LEKR1: variants seen among roughly 807,000 people sequenced by gnomAD.
LEKR1 encodes the protein protein LEKR1.
Under a neutral mutation model 72.4 loss-of-function variants are expected in LEKR1, and 59 were observed. That is an observed-to-expected ratio of 0.82 (90% confidence interval 0.66 to 1.01). The LOEUF (loss-of-function observed/expected upper bound fraction) is 1.01. Ranked by LOEUF, LEKR1 falls within the 50% of genes least tolerant of loss-of-function variation. The pLI, the probability that LEKR1 is intolerant of heterozygous loss-of-function variation, is 0.00. For synonymous variants in LEKR1, 257 were observed against 263.2 expected, an observed-to-expected ratio of 0.98 and a Z score of 0.23; for missense variants, 728 against 759.2, an observed-to-expected ratio of 0.96 and a Z score of 0.48.
chr3:157,026,833 T>C (rs1034713164), intron 11 of LEKR1, among the ~76,000 whole-genome samples: 1 of 152,214 alleles, frequency 6.6e-6, no homozygotes. Context: ...TCTTGTTTCG[T>C]TGTTTTGTTT....
chr3:156,942,332 A>G (rs1726284954), intron 5 of LEKR1, among the ~76,000 whole-genome samples, 197 bp from the exon 6 acceptor site: 2 of 152,062 alleles, frequency 1.3e-5, no homozygotes, highest in South Asian at 2.1e-4. Context: ...TGCATCATGT[A>G]GCAATAAAAC....
At chr3:156,847,365 C>T (rs1011051141) in intron 2 of LEKR1, among the ~76,000 whole-genome samples, 5 of 152,206 alleles carry the variant, frequency 3.3e-5, no homozygotes, top group African/African-American at 1.2e-4. Flanking sequence ...TTAATGTCTC[C>T]TCCAAAGTGC....
At chr3:156,853,952 T>C (rs966341431) in intron 3 of LEKR1, among the ~76,000 whole-genome samples, 1 of 151,998 alleles carries the variant, frequency 6.6e-6, no homozygotes, top group Non-Finnish European at 1.5e-5. Flanking sequence ...TTTAATAAAA[T>C]GTATTATACA....
chr3:156,892,162 G>C lies in LEKR1; in HGVS notation c.264-28413G>C, dbSNP rs1250441919. On this transcript the variant is annotated intron_variant, in intron 3 of 12. Coordinates refer to ENST00000356539, the MANE Select transcript of LEKR1 (RefSeq NM_001004316.3). ...GGGGAGAGGGGATAAGAAGAAGAAAGGCAGGTGGGTAGGAGGTCTCTAAGC... is the reference window on the plus strand; with the variant it reads ...GGGGAGAGGGGATAAGAAGAAGAAACGCAGGTGGGTAGGAGGTCTCTAAGC... Among the ~76,000 whole-genome samples, 3 of 152,228 alleles carry C rather than the reference G, an allele frequency of 2.0e-5. No homozygotes were observed. In the East Asian group the frequency reaches 5.8e-4, roughly 29 times the overall value.
At chr3:156,980,597 C>T (rs1000272476) in intron 7 of LEKR1, among the ~76,000 whole-genome samples, 2 of 151,984 alleles carry the variant, frequency 1.3e-5, no homozygotes, top group African/African-American at 4.8e-5. Flanking sequence ...TGCTGTCCCT[C>T]TAATAACATC....
At chr3:156,962,701 A>G (rs920336420) in intron 6 of LEKR1, among the ~76,000 whole-genome samples, 3 of 152,252 alleles carry the variant, frequency 2.0e-5, no homozygotes, top group South Asian at 4.1e-4. Context: ...TAATGTTTGA[A>G]TCATAGAGGA....
chr3:156,836,349 G>A (rs1418315790), intron 2 of LEKR1, among the ~76,000 whole-genome samples: 1 of 151,852 alleles, frequency 6.6e-6, no homozygotes, highest in Non-Finnish European at 1.5e-5. Context: ...TTTCTCCTAA[G>A]GAATCCCAGG....
intron 3 of LEKR1, among the ~76,000 whole-genome samples, chr3:156,917,815 G>A (rs938455086): frequency 1.3e-5 from 2 of 152,114 alleles, no homozygotes; most frequent in African/African-American, 4.8e-5. Context: ...ATGAAAGAGA[G>A]ATGAGGACAG....
At chr3:156,969,683 T>C (rs1352374746) in intron 6 of LEKR1, among the ~76,000 whole-genome samples, 2 of 152,224 alleles carry the variant, frequency 1.3e-5, no homozygotes, top group Non-Finnish European at 2.9e-5. Context: ...AGCCGAATTC[T>C]ACCAGAGGTA....
chr3:156,882,479 A>G (rs1719505435), intron 3 of LEKR1, among the ~76,000 whole-genome samples: 1 of 152,160 alleles, frequency 6.6e-6, no homozygotes, highest in Non-Finnish European at 1.5e-5. Context: ...TTAGAATGGC[A>G]ATCATTAAAA....
chr3:156,869,751 T>C (rs1168007339), intron 3 of LEKR1, among the ~76,000 whole-genome samples: 1 of 144,930 alleles, frequency 6.9e-6, no homozygotes, highest in Non-Finnish European at 1.5e-5. Flanking sequence ...TTTTCTGTGC[T>C]TTTGAGGTCT....
intron 3 of LEKR1, among the ~76,000 whole-genome samples, chr3:156,909,042 T>A (rs62275763): frequency 6.6e-6 from 1 of 152,144 alleles, no homozygotes; most frequent in African/African-American, 2.4e-5. Flanking sequence ...ATAAGTCTCA[T>A]GAGAGCTGAT....
chr3:156,847,000 G>T (rs1229471174), intron 2 of LEKR1, among the ~76,000 whole-genome samples: 4 of 151,944 alleles, frequency 2.6e-5, no homozygotes, highest in Non-Finnish European at 5.9e-5. Flanking sequence ...ATTTTTTGTA[G>T]AAATAAGGTC....
At chr3:156,875,733 C>T (rs370792433) in intron 3 of LEKR1, among the ~76,000 whole-genome samples, 35 of 152,018 alleles carry the variant, frequency 2.3e-4, no homozygotes, top group Non-Finnish European at 3.1e-4. Flanking sequence ...TGGTGGCTCA[C>T]GCCTGTAATC....
At chr3:156,882,395 G>GA (rs1466406671) in intron 3 of LEKR1, among the ~76,000 whole-genome samples, 1 of 152,084 alleles carries the variant, frequency 6.6e-6, no homozygotes, top group Admixed American at 6.6e-5. Flanking sequence ...AAAGACACAT[G>GA]AAAAAATGCT....
intron 11 of LEKR1, among the ~76,000 whole-genome samples, chr3:157,027,755 T>C (rs892945698): frequency 3.9e-5 from 6 of 152,068 alleles, no homozygotes; most frequent in East Asian, 1.9e-4. Context: ...TCAAGGCTGC[T>C]GAGAGCCATG....
At chr3:156,943,901 A>G (rs1050852426) in intron 6 of LEKR1, among the ~76,000 whole-genome samples, 1 of 151,760 alleles carries the variant, frequency 6.6e-6, no homozygotes, top group Non-Finnish European at 1.5e-5. Context: ...ATATATTTTT[A>G]TTTTCTTTCC....
Position 156,940,644 on chromosome 3 carries a change from T to C in LEKR1, c.560-1885T>C, listed in dbSNP as rs527763376. On this transcript the variant is annotated intron_variant, in intron 5 of 12. Transcript: ENST00000356539. ...TAATTCATCTCCATTGAGTTTACTTTTTCCTAACTCCATGTTAGTAATGTT... is the reference window on the plus strand; with the variant it reads ...TAATTCATCTCCATTGAGTTTACTTCTTCCTAACTCCATGTTAGTAATGTT... Among the ~76,000 whole-genome samples the C allele has an allele frequency of 2.6e-5, 4 of 152,334 alleles. No homozygotes were observed. In the Middle Eastern group the frequency reaches 0.014, roughly 518 times the overall value.
chr3:156,853,284 A>G (rs986968471), intron 3 of LEKR1: 1 of 187,448 alleles, frequency 5.3e-6, no homozygotes, highest in African/African-American at 2.3e-5. Flanking sequence ...AAATTTATCT[A>G]TCAAAAATCA....
Sources: gnomAD v4.1 joint callset for allele counts (sites outside exome capture counted in the v4.1 genomes callset) on GRCh38, gnomAD v4.1.1 for gene constraint, MANE v1.5 for transcripts, NCBI Gene and HGNC (gene_info 2026-07-23, HGNC 2026-07-21) for gene names.